ALK: variants seen among roughly 807,000 people sequenced by gnomAD.
ALK encodes ALK receptor tyrosine kinase.
ALK carries 74 observed loss-of-function variants against 163.1 expected under a neutral mutation model. That is an observed-to-expected ratio of 0.45 (90% CI 0.38 to 0.55). The LOEUF is 0.55. Ranked by LOEUF, ALK falls within the 20% of genes least tolerant of loss-of-function variation. The pLI is 0.00. For synonymous variants in ALK, 960 were observed against 843.2 expected (o/e 1.14, Z -2.40); for missense variants, 2,063 against 2,105.3 (o/e 0.98, Z 0.39).
intron 3 of ALK, among the ~76,000 whole-genome samples, chr2:29,615,652 A>T (rs993369437): frequency 2.6e-5 from 4 of 152,184 alleles, no homozygotes; most frequent in Admixed American, 6.5e-5. Flanking sequence ...CTTGACTGGG[A>T]GGATCCTTCA....
chr2:29,338,059 C>T (rs893410589), intron 5 of ALK, among the ~76,000 whole-genome samples: 1 of 152,014 alleles, frequency 6.6e-6, no homozygotes, highest in Non-Finnish European at 1.5e-5. Flanking sequence ...AGAGACTATC[C>T]TAAGGACTTT....
intron 3 of ALK, among the ~76,000 whole-genome samples, chr2:29,588,468 C>G (rs866195510): frequency 6.6e-6 from 1 of 152,028 alleles, no homozygotes. Flanking sequence ...TGACATCAAG[C>G]GATCCACCCT....
At chr2:29,528,039 C>T (rs1048586483) in intron 4 of ALK, among the ~76,000 whole-genome samples, 1 of 152,196 alleles carries the variant, frequency 6.6e-6, no homozygotes, top group African/African-American at 2.4e-5. Flanking sequence ...AATGCCCTGA[C>T]AGCTTATCTT....
chr2:29,833,901 C>A lies in ALK; in HGVS notation c.667+86092G>T, dbSNP rs984072557. 2.0e-5 allele frequency among the ~76,000 whole-genome samples: 3 copies of A among 152,282 alleles called. No individual in the cohort carries two copies. The East Asian group carries it at 5.8e-4, about 29-fold the overall frequency. ...TTGGAAGCTTAATTACATGATTACT[C>A]GAGATCTCTTATAGACTTTGACATT... On this transcript the variant is annotated intron_variant, in intron 1 of 28. Transcript: ENST00000389048.
intron 1 of ALK, among the ~76,000 whole-genome samples, chr2:29,797,576 A>G (rs529930672): frequency 2.0e-5 from 3 of 152,172 alleles, no homozygotes; most frequent in Admixed American, 6.5e-5. Flanking sequence ...GGCAGGGACC[A>G]TGTCTGTCTC....
chr2:29,369,408 G>A (rs564997323), intron 5 of ALK, among the ~76,000 whole-genome samples: 1 of 152,294 alleles, frequency 6.6e-6, no homozygotes, highest in African/African-American at 2.4e-5. Context: ...AAAGGGAAGA[G>A]AGATCATCAG....
At chr2:29,532,900 A>AC (rs1177699419) in intron 3 of ALK, among the ~76,000 whole-genome samples, 7 of 152,250 alleles carry the variant, frequency 4.6e-5, no homozygotes, top group African/African-American at 1.7e-4. Flanking sequence ...CCTGACTTCC[A>AC]CAGTGGGAAG....
chr2:29,227,587 G>T lies in ALK; in HGVS notation c.2901C>A (p.Thr967=), dbSNP rs886055930. Residue 967 remains threonine, a synonymous_variant, in exon 17 of 29, where the codon ACC becomes ACA. Transcript: ENST00000389048. The surrounding 1 kb of genome is among the most constrained non-coding windows in gnomAD (Gnocchi z 4.4). ...CAGAGAAGCTACCTTTTAAAGCTGG[G>T]GTGTACAGGATGCCCAGTGGACTGA... is the stretch of plus-strand genomic sequence containing the variant. ...SFISPLGILY[T]PALKVMEGHG... is the part of the protein sequence containing the mutation. The T allele has an allele frequency of 8.1e-6, 13 of 1,613,788 alleles. No homozygotes were observed. Among genetic ancestry groups the T allele is most frequent in the Non-Finnish European group, 1.1e-5 (13 of 1,179,754 alleles).
chr2:29,735,676 A>AC (rs1435403883), intron 1 of ALK, among the ~76,000 whole-genome samples: 1 of 151,974 alleles, frequency 6.6e-6, no homozygotes, highest in Non-Finnish European at 1.5e-5. Flanking sequence ...TACGGCAGTT[A>AC]CCCCCATGCT....
intron 3 of ALK, among the ~76,000 whole-genome samples, chr2:29,585,278 C>T (rs1389620427): frequency 6.6e-6 from 1 of 152,162 alleles, no homozygotes; most frequent in African/African-American, 2.4e-5. Context: ...GCAATTCAAA[C>T]ACCAGAGAAA....
Position 29,434,487 on chromosome 2 carries a change from C to T in ALK, c.1155-50628G>A, listed in dbSNP as rs1312691644. The stretch of plus-strand genomic sequence containing the variant: ...TTCATCAATTTAAGCCCTGGCTTGC[C>T]ATAATGTGTTCCTTTTTGAATACAG... On this transcript the variant is annotated intron_variant, in intron 4 of 28. Coordinates refer to ENST00000389048, the MANE Select transcript of ALK (RefSeq NM_004304.5). Among the ~76,000 whole-genome samples, 3 of 152,174 alleles carry T rather than the reference C, an allele frequency of 2.0e-5. No individual in the cohort carries two copies. The East Asian group carries it at 5.8e-4, about 29-fold the overall frequency.
intron 8 of ALK, among the ~76,000 whole-genome samples, chr2:29,313,007 T>TA (rs1558665220): frequency 1.3e-5 from 2 of 152,130 alleles, no homozygotes; most frequent in Non-Finnish European, 2.9e-5. Context: ...AACATTACCC[T>TA]GGAATCCCTC....
intron 7 of ALK, among the ~76,000 whole-genome samples, chr2:29,318,836 G>C (rs1379854983): frequency 6.6e-6 from 1 of 152,170 alleles, no homozygotes; most frequent in South Asian, 2.1e-4. Context: ...AAAGTGCTGG[G>C]ATTACAGGCA....
At chr2:29,620,958 T>G (rs1411804642) in intron 3 of ALK, among the ~76,000 whole-genome samples, 1 of 152,182 alleles carries the variant, frequency 6.6e-6, no homozygotes, top group Non-Finnish European at 1.5e-5. Flanking sequence ...GACAAGATAA[T>G]AGCAGACTTA....
rs190220481 is a variant in ALK, at chr2:29,862,350, T to C, written c.667+57643A>G. ...AGGGTCTGAACAGGAAAAAAATAAGTTAAATTGACACTGTTGCAGATGACA... is the reference window on the plus strand; with the variant it reads ...AGGGTCTGAACAGGAAAAAAATAAGCTAAATTGACACTGTTGCAGATGACA... On this transcript the variant is annotated intron_variant, in intron 1 of 28. Coordinates refer to ENST00000389048, the MANE Select transcript of ALK (RefSeq NM_004304.5). Among the ~76,000 whole-genome samples, 626 of 152,230 alleles carry C rather than the reference T, an allele frequency of 4.1e-3. 2 individuals are homozygous for C. Among genetic ancestry groups the C allele is most frequent in the Non-Finnish European group, 5.6e-3 (384 of 67,974 alleles).
rs1486756502 is a variant in ALK, at chr2:29,225,724, G to A, written c.3068-159C>T. On this transcript the variant is annotated intron_variant, in intron 18 of 28. Transcript: ENST00000389048. The stretch of plus-strand genomic sequence containing the variant: ...TTTTCTTTTCAGGGGACCATGAGCA[G>A]GACCAGACTCATCCCGATTTGACAG... Among the ~76,000 whole-genome samples, 3 of 152,312 alleles carry A rather than the reference G, an allele frequency of 2.0e-5. No individual in the cohort carries two copies. The East Asian group carries it at 5.8e-4, about 29-fold the overall frequency.
chr2:29,501,217 T>C (rs1327160126), intron 4 of ALK, among the ~76,000 whole-genome samples: 2 of 152,216 alleles, frequency 1.3e-5, no homozygotes, highest in Non-Finnish European at 2.9e-5. Flanking sequence ...CCACTGATTC[T>C]TTCAAGTCCC....
At chr2:29,751,201 G>GGGTGAGTCAGTAAGGAGT (rs201758588) in intron 1 of ALK, among the ~76,000 whole-genome samples, 6,842 of 152,240 alleles carry the variant, frequency 0.045, 226 homozygotes, top group Non-Finnish European at 0.069. Context: ...AAGTTGCTTT[G>GGGTGAGTCAGTAAGGAGT]GGTGAGTCAG....
chr2:29,668,207 G>T (rs1386876234), intron 3 of ALK, among the ~76,000 whole-genome samples: 1 of 151,500 alleles, frequency 6.6e-6, no homozygotes, highest in Non-Finnish European at 1.5e-5. Flanking sequence ...TGTCAATTTT[G>T]TTTATCTTTA....
Sources: allele counts gnomAD v4.1 joint callset (sites outside exome capture counted in the v4.1 genomes callset), GRCh38; gene constraint gnomAD v4.1.1; non-coding constraint Gnocchi (gnomAD v3.1); transcripts MANE v1.5; gene names NCBI Gene and HGNC (gene_info 2026-07-23, HGNC 2026-07-21).